Variants in MEOX2 observed in about 807,000 individuals in gnomAD.
The protein encoded by MEOX2 is homeobox protein MOX-2.
A neutral mutation model predicts 27.0 loss-of-function variants in MEOX2; 11 were observed. That is an observed-to-expected ratio of 0.41 (90% CI 0.26 to 0.68). MEOX2 has a LOEUF of 0.68. Among genes scored for constraint, MEOX2 ranks in the 30% least tolerant of loss-of-function variants. MEOX2 has a pLI of 0.33. For missense variants in MEOX2, 436 were observed against 385.4 expected (o/e 1.13, Z -1.10); for synonymous variants, 189 against 155.4 (o/e 1.22, Z -1.61).
chr7:15,673,787 C>A (rs765308745), intron 1 of MEOX2, among the ~76,000 whole-genome samples: 79 of 151,996 alleles, frequency 5.2e-4, no homozygotes, highest in Non-Finnish European at 1.3e-4. Flanking sequence ...ACTGGGGATT[C>A]TTGACTAACT....
chr7:15,621,974 C>T (rs1276295165), intron 2 of MEOX2, among the ~76,000 whole-genome samples: 1 of 151,902 alleles, frequency 6.6e-6, no homozygotes, highest in African/African-American at 2.4e-5. Flanking sequence ...AAAAATTAGC[C>T]GGGCATGGTA....
chr7:15,673,152 G>A (rs972670714), intron 1 of MEOX2, among the ~76,000 whole-genome samples: 1 of 152,146 alleles, frequency 6.6e-6, no homozygotes, highest in African/African-American at 2.4e-5. Flanking sequence ...AGCCTATGCT[G>A]GAAAACACAC....
intron 1 of MEOX2, among the ~76,000 whole-genome samples, chr7:15,675,253 A>T (rs995723122): frequency 6.6e-6 from 1 of 152,196 alleles, no homozygotes; most frequent in Admixed American, 6.5e-5. Context: ...ATTGACCACA[A>T]GAGCTACATC....
At chr7:15,657,878 G>T (rs1314354078) in intron 1 of MEOX2, among the ~76,000 whole-genome samples, 1 of 152,138 alleles carries the variant, frequency 6.6e-6, no homozygotes, top group East Asian at 1.9e-4. Flanking sequence ...CTGTGATAGT[G>T]AGGGAATGAG....
chr7:15,675,834 C>T (rs1045916490), intron 1 of MEOX2, among the ~76,000 whole-genome samples: 10 of 152,128 alleles, frequency 6.6e-5, no homozygotes, highest in African/African-American at 2.4e-4. Flanking sequence ...ATATTTTGCT[C>T]TTCTTCCTGT....
intron 1 of MEOX2, among the ~76,000 whole-genome samples, chr7:15,655,132 G>A (rs957851067): frequency 2.0e-5 from 3 of 151,442 alleles, no homozygotes; most frequent in African/African-American, 7.3e-5. Context: ...TAAAAAGTGG[G>A]TCCATTTCCT....
intron 1 of MEOX2, among the ~76,000 whole-genome samples, chr7:15,636,677 G>A (rs1781483716): frequency 6.6e-6 from 1 of 152,038 alleles, no homozygotes; most frequent in Admixed American, 6.6e-5. Flanking sequence ...GAACATAAAT[G>A]TAATTATTAT....
In MEOX2 at chr7:15,686,457, C is replaced by A. The variant is rs1453420721; in HGVS notation, c.-55G>T. On this transcript the variant is annotated 5_prime_UTR_variant, in exon 1 of 3. Transcript: ENST00000262041. ...GACTTCACGGCGGTTCCAAAGGCCACCACCCTCTGTCACTTTTTCACTGGA... is the reference window on the plus strand; with the variant it reads ...GACTTCACGGCGGTTCCAAAGGCCAACACCCTCTGTCACTTTTTCACTGGA... 49 of 1,450,478 alleles carry A rather than the reference C, an allele frequency of 3.4e-5. No homozygotes were observed. The highest frequency in any genetic ancestry group is 2.9e-4 in the Admixed American group (12 of 41,818). The allele number at this position is 1,450,478 out of a possible 1,614,324, so 89.9% of individuals were successfully genotyped here. A position where few individuals can be genotyped will look rare whatever the true frequency, so the allele number is the denominator to read the frequency against.
rs183853148 is a variant in MEOX2, at chr7:15,619,412, A to G, written c.691-6801T>C. ...TTGTTAATTTGTTGATTACATATAAATTAATATTTTTGCTTCCCTAGTGAG... is the reference window on the plus strand; with the variant it reads ...TTGTTAATTTGTTGATTACATATAAGTTAATATTTTTGCTTCCCTAGTGAG... On this transcript the variant is annotated intron_variant, in intron 2 of 2. Coordinates refer to ENST00000262041, the MANE Select transcript of MEOX2 (RefSeq NM_005924.5). Among the ~76,000 whole-genome samples the G allele has an allele frequency of 6.4e-3, 967 of 152,126 alleles. 14 individuals carry two copies. The highest frequency in any genetic ancestry group is 0.014 in the South Asian group (68 of 4,826).
chr7:15,642,930 C>T (rs1035325753), intron 1 of MEOX2, among the ~76,000 whole-genome samples: 5 of 152,054 alleles, frequency 3.3e-5, no homozygotes, highest in African/African-American at 4.8e-5. Context: ...TTTGTTTGTA[C>T]GTTGTAGTAG....
chr7:15,663,434 G>A (rs1264881510), intron 1 of MEOX2, among the ~76,000 whole-genome samples: 1 of 151,464 alleles, frequency 6.6e-6, no homozygotes, highest in Non-Finnish European at 1.5e-5. Context: ...CCGGGTTTAA[G>A]CAAGTCTCCT....
At chr7:15,625,361 G>C (rs1781287114) in intron 2 of MEOX2, among the ~76,000 whole-genome samples, 1 of 152,160 alleles carries the variant, frequency 6.6e-6, no homozygotes, top group African/African-American at 2.4e-5. Context: ...CTAAGGGAAG[G>C]AAAATGCTGT....
At chr7:15,676,149 G>T (rs1232658354) in intron 1 of MEOX2, 2 of 152,138 alleles carry the variant, frequency 1.3e-5, no homozygotes, top group Admixed American at 1.3e-4. Context: ...CCCAGGACTT[G>T]CAATTCCAGG....
At chr7:15,672,399 T>C (rs141632790) in intron 1 of MEOX2, among the ~76,000 whole-genome samples, 1 of 152,348 alleles carries the variant, frequency 6.6e-6, no homozygotes, top group African/African-American at 2.4e-5. Flanking sequence ...AATAATGTAA[T>C]GAGGCATTCT....
At chr7:15,649,311 A>C (rs1323078273) in intron 1 of MEOX2, among the ~76,000 whole-genome samples, 1 of 152,134 alleles carries the variant, frequency 6.6e-6, no homozygotes, top group Non-Finnish European at 1.5e-5. Context: ...GGAGCTTATA[A>C]AAATAGTGTG....
At chr7:15,618,295 T>C (rs894902626) in intron 2 of MEOX2, among the ~76,000 whole-genome samples, 4 of 152,090 alleles carry the variant, frequency 2.6e-5, no homozygotes, top group African/African-American at 9.6e-5. Flanking sequence ...CTCAAGTATT[T>C]CATGAATAAA....
intron 1 of MEOX2, chr7:15,680,426 C>T (rs974420241): frequency 6.6e-6 from 1 of 151,870 alleles, no homozygotes; most frequent in Non-Finnish European, 1.5e-5. Context: ...AGGCTGAGCC[C>T]TATATGTTCT....
At chr7:15,676,409 T>A (rs944729258) in intron 1 of MEOX2, among the ~76,000 whole-genome samples, 1 of 152,038 alleles carries the variant, frequency 6.6e-6, no homozygotes, top group African/African-American at 2.4e-5. Context: ...AATAAGAAAA[T>A]TCTCTCTGCA....
At chr7:15,619,295 G>C (rs991045731) in intron 2 of MEOX2, among the ~76,000 whole-genome samples, 1 of 151,904 alleles carries the variant, frequency 6.6e-6, no homozygotes, top group Non-Finnish European at 1.5e-5. Context: ...GGAATGCTGG[G>C]AGTGATCTTT....
Sources: allele counts gnomAD v4.1 joint callset (sites outside exome capture counted in the v4.1 genomes callset), GRCh38; gene constraint gnomAD v4.1.1; transcripts MANE v1.5; gene names NCBI Gene and HGNC (gene_info 2026-07-23, HGNC 2026-07-21).